OSTF1: variants seen among roughly 807,000 people sequenced by gnomAD.
OSTF1 encodes osteoclast-stimulating factor 1.
Under a neutral mutation model 37.2 loss-of-function variants are expected in OSTF1, and 27 were observed. That is an observed-to-expected ratio of 0.73 (90% CI 0.54 to 1.00). The LOEUF (loss-of-function observed/expected upper bound fraction) is 1.00, where lower values mean the gene tolerates loss of function less well. Among genes scored for constraint, OSTF1 ranks in the 50% least tolerant of loss-of-function variants. The pLI, the probability that OSTF1 is intolerant of heterozygous loss-of-function variation, is 0.00. For synonymous variants in OSTF1, 82 were observed against 89.2 expected (o/e 0.92, Z 0.46); for missense variants, 232 against 253.8 (o/e 0.91, Z 0.58).
rs1312667697 is a variant in OSTF1, at chr9:75,093,059, TC to T, written c.34+4334del. The stretch of plus-strand genomic sequence containing the variant: ...CTTTCTTTCTCTCTCTCTCTTTCTT[TC>T]TTTCTTTTTTTTTTTTTGGAGATGG... On this transcript the variant is annotated intron_variant, in intron 1 of 9. Coordinates refer to ENST00000346234, the MANE Select transcript of OSTF1 (RefSeq NM_012383.5). Among the ~76,000 whole-genome samples, 133 of 139,162 alleles carry T rather than the reference TC, an allele frequency of 9.6e-4. 1 individual carries two copies. The highest frequency in any genetic ancestry group is 2.3e-3 in the South Asian group (11 of 4,712). The allele number at this position is 139,162 out of a possible 152,430, so 91.3% of individuals were successfully genotyped here.
chr9:75,104,286 T>A (rs1825247154), intron 1 of OSTF1, among the ~76,000 whole-genome samples: 1 of 152,040 alleles, frequency 6.6e-6, no homozygotes, highest in East Asian at 1.9e-4. Context: ...GGCTCACACC[T>A]GTAATCCCAG....
At position 75,108,061 on chromosome 9, in the gene OSTF1, C is replaced by T. The variant is rs551429503; in HGVS notation, c.35-9443C>T. ...AGATCAGCCTGGGCAACATGACTCC[C>T]GTCTCTACAAAAAATGAGCTGGGTG... On this transcript the variant is annotated intron_variant, in intron 1 of 9. Coordinates refer to ENST00000346234, the MANE Select transcript of OSTF1 (RefSeq NM_012383.5). Among the ~76,000 whole-genome samples, 321 of 151,904 alleles carry T rather than the reference C, an allele frequency of 2.1e-3. 4 individuals carry two copies. In the South Asian group the frequency reaches 0.028, roughly 13 times the overall value.
At chr9:75,135,789 G>A (rs1030391803) in intron 7 of OSTF1, among the ~76,000 whole-genome samples, 7 of 152,112 alleles carry the variant, frequency 4.6e-5, no homozygotes, top group Non-Finnish European at 2.9e-5. Flanking sequence ...CTGGAGCTTG[G>A]GGTCTTCTTC....
intron 7 of OSTF1, among the ~76,000 whole-genome samples, chr9:75,135,358 ATTTAC>A (rs1825826012): frequency 6.6e-6 from 1 of 152,026 alleles, no homozygotes; most frequent in Non-Finnish European, 1.5e-5. Flanking sequence ...TGCTAAGAGT[ATTTAC>A]TTTATTGTTG....
intron 2 of OSTF1, among the ~76,000 whole-genome samples, chr9:75,118,911 A>T (rs2118522367): frequency 6.6e-6 from 1 of 152,242 alleles, no homozygotes; most frequent in Middle Eastern, 3.4e-3. Context: ...ACACAGCAAA[A>T]CCATATCAAG....
intron 7 of OSTF1, among the ~76,000 whole-genome samples, chr9:75,135,575 G>T (rs762457462): frequency 1.4e-4 from 21 of 152,184 alleles, no homozygotes; most frequent in Non-Finnish European, 2.9e-4. Context: ...TTTTCCCAGA[G>T]ATATTCTCAC....
At chr9:75,130,046 TGGG>T in intron 3 of OSTF1, among the ~76,000 whole-genome samples, 1 of 152,112 alleles carries the variant, frequency 6.6e-6, no homozygotes, top group East Asian at 1.9e-4. Flanking sequence ...AGGGACGTCA[TGGG>T]GGCATATATG....
At chr9:75,115,980 C>T (rs1404173968) in intron 1 of OSTF1, among the ~76,000 whole-genome samples, 2 of 151,848 alleles carry the variant, frequency 1.3e-5, no homozygotes, top group African/African-American at 4.8e-5. Flanking sequence ...GGCAGGTGCC[C>T]GTAGTCCCAG....
At chr9:75,145,320 CACCTACCTACCTATCT>C (rs1468665104) in intron 9 of OSTF1, among the ~76,000 whole-genome samples, 4 of 152,150 alleles carry the variant, frequency 2.6e-5, no homozygotes, top group African/African-American at 9.7e-5. Context: ...TCCATCTCTT[CACCTACCTACCTATCT>C]ACCTACCTAC....
rs1351035614 is a variant in OSTF1 at position 75,117,359 on chromosome 9, T to C, written c.35-145T>C. 4 of 594,046 alleles carry C rather than the reference T, an allele frequency of 6.7e-6. No homozygotes were observed. In the African/African-American group the frequency reaches 7.6e-5, roughly 11 times the overall value. 36.8% of individuals were successfully genotyped at this position (594,046 alleles called of 1,614,324 possible). A position where few individuals can be genotyped will look rare whatever the true frequency, so the allele number is the denominator to read the frequency against. Reference sequence around the variant, plus strand: ...TCTCTCCCTGTCCTTCCTTTCTCTCTACCCTTTCCAGCCTCTAGTATCCTC... The same window carrying C: ...TCTCTCCCTGTCCTTCCTTTCTCTCCACCCTTTCCAGCCTCTAGTATCCTC... On this transcript the variant is annotated intron_variant, in intron 1 of 9. Coordinates refer to ENST00000346234, the MANE Select transcript of OSTF1 (RefSeq NM_012383.5).
intron 9 of OSTF1, among the ~76,000 whole-genome samples, chr9:75,142,476 C>T (rs73548203): frequency 0.069 from 10,429 of 152,128 alleles, 565 homozygotes; most frequent in African/African-American, 0.15. Context: ...CTGAAGGTAT[C>T]AGAGTCTAAT....
At chr9:75,112,165 AAC>A (rs1825403245) in intron 1 of OSTF1, among the ~76,000 whole-genome samples, 1 of 151,604 alleles carries the variant, frequency 6.6e-6, no homozygotes, top group Non-Finnish European at 1.5e-5. Flanking sequence ...GATAATATGA[AAC>A]ACAGAGTACT....
At chr9:75,120,344 A>G (rs925960430) in intron 2 of OSTF1, among the ~76,000 whole-genome samples, 2 of 152,030 alleles carry the variant, frequency 1.3e-5, no homozygotes, top group Non-Finnish European at 2.9e-5. Context: ...GAGCGCTGTC[A>G]TTTTATGCCT....
chr9:75,132,313 G>A (rs1175695129), intron 5 of OSTF1, among the ~76,000 whole-genome samples: 1 of 142,420 alleles, frequency 7.0e-6, no homozygotes, highest in African/African-American at 2.5e-5. Flanking sequence ...TGACTAACAG[G>A]GATGAACCTG....
intron 1 of OSTF1, among the ~76,000 whole-genome samples, chr9:75,099,190 G>A (rs962684687): frequency 7.2e-5 from 11 of 151,756 alleles, no homozygotes; most frequent in Non-Finnish European, 1.0e-4. Flanking sequence ...CATCCACCTC[G>A]GCCTCCCAAA....
chr9:75,136,594 G>A (rs915635865), intron 7 of OSTF1, among the ~76,000 whole-genome samples: 3 of 152,094 alleles, frequency 2.0e-5, no homozygotes, highest in Admixed American at 6.5e-5. Context: ...GTTTCACCAC[G>A]TTAGCCAGGC....
intron 1 of OSTF1, among the ~76,000 whole-genome samples, chr9:75,101,610 T>G (rs767262399): frequency 3.9e-5 from 6 of 152,236 alleles, no homozygotes; most frequent in Non-Finnish European, 7.3e-5. Flanking sequence ...TTCAAAGATA[T>G]TGATAATCCT....
chr9:75,110,010 A>C (rs779562034), intron 1 of OSTF1, among the ~76,000 whole-genome samples: 4 of 152,180 alleles, frequency 2.6e-5, no homozygotes, highest in Non-Finnish European at 5.9e-5. Context: ...CTCCATTATC[A>C]ACATCCCTCA....
intron 7 of OSTF1, among the ~76,000 whole-genome samples, chr9:75,136,330 T>A (rs1276548513): frequency 6.6e-6 from 1 of 152,224 alleles, no homozygotes; most frequent in Non-Finnish European, 1.5e-5. Flanking sequence ...TTATTTTGTT[T>A]GTTTTGGTCT....
Sources: allele counts gnomAD v4.1 joint callset (sites outside exome capture counted in the v4.1 genomes callset), GRCh38; gene constraint gnomAD v4.1.1; transcripts MANE v1.5; gene names NCBI Gene and HGNC (gene_info 2026-07-23, HGNC 2026-07-21).